The following CEP63 variants were observed in gnomAD, a reference collection of about 807,000 sequenced individuals.
The protein encoded by CEP63 is centrosomal protein 63.
Under a neutral mutation model 89.1 loss-of-function variants are expected in CEP63, and 84 were observed. That is an observed-to-expected ratio of 0.94 (90% confidence interval 0.79 to 1.13). The LOEUF is 1.13. Ranked by LOEUF, CEP63 falls within the 50% of genes most tolerant of loss-of-function variation. CEP63 has a pLI of 0.00. For missense variants in CEP63, 838 were observed against 813.3 expected (o/e 1.03, Z -0.37); for synonymous variants, 267 against 272.5 (o/e 0.98, Z 0.20).
At chr3:134,710,966 C>T in the CEP63 span, among the ~76,000 whole-genome samples, 57 of 152,054 alleles carry the variant, frequency 3.7e-4, no homozygotes, top group Middle Eastern at 0.01. Flanking sequence ...GTGATCTGCC[C>T]GCCTCAGCCT....
At chr3:134,693,417 G>C in the CEP63 span, among the ~76,000 whole-genome samples, 3 of 150,772 alleles carry the variant, frequency 2.0e-5, no homozygotes, top group African/African-American at 7.3e-5. Flanking sequence ...AAAAAGTTTT[G>C]GGTTATTTCC....
the CEP63 span, among the ~76,000 whole-genome samples, chr3:134,716,827 A>G: frequency 6.6e-6 from 1 of 152,160 alleles, no homozygotes; most frequent in Non-Finnish European, 1.5e-5. Flanking sequence ...TCAGTTGGTT[A>G]GTTACTTACA....
At chr3:134,685,367 A>G in the CEP63 span, among the ~76,000 whole-genome samples, 1 of 151,944 alleles carries the variant, frequency 6.6e-6, no homozygotes, top group East Asian at 1.9e-4. Flanking sequence ...CGTGAACACA[A>G]ACATACTGAA....
At chr3:134,648,562 G>A in the CEP63 span, among the ~76,000 whole-genome samples, 1 of 152,212 alleles carries the variant, frequency 6.6e-6, no homozygotes, top group African/African-American at 2.4e-5. Context: ...TTTCAGGCAC[G>A]TTTTGGAGAA....
the CEP63 span, among the ~76,000 whole-genome samples, chr3:134,635,693 T>C: frequency 6.6e-6 from 1 of 152,086 alleles, no homozygotes; most frequent in East Asian, 1.9e-4. Context: ...GTGTTAGCAA[T>C]CAGAACTACA....
rs115681078 is a variant in CEP63 at position 134,537,628 on chromosome 3, C to T, written c.555+360C>T. On this transcript the variant is annotated intron_variant, in intron 6 of 14. Coordinates refer to ENST00000675561, the MANE Select transcript of CEP63 (RefSeq NM_001353108.3). ...TCATCTTGGTCCCTAGCTTTGTCGCCCTCTCTTCCTCCCCTCTCTTTCTTC... is the reference window on the plus strand; with the variant it reads ...TCATCTTGGTCCCTAGCTTTGTCGCTCTCTCTTCCTCCCCTCTCTTTCTTC... 7.6e-3 allele frequency among the ~76,000 whole-genome samples: 1,156 copies of T among 152,248 alleles called. 17 individuals are homozygous for T. Among genetic ancestry groups the T allele is most frequent in the African/African-American group, 0.026 (1,099 of 41,548 alleles).
At chr3:134,589,010 G>C (rs1403410812), downstream of CEP63, among the ~76,000 whole-genome samples, 1 of 152,076 alleles carries the variant, frequency 6.6e-6, no homozygotes, top group Non-Finnish European at 1.5e-5. Flanking sequence ...GACACAAGAA[G>C]AATTAGAAAA....
At chr3:134,589,572 G>A (rs1958557210), downstream of CEP63, among the ~76,000 whole-genome samples, 1 of 128,664 alleles carries the variant, frequency 7.8e-6, no homozygotes, top group South Asian at 2.7e-4. Context: ...CAGTCAGAAT[G>A]GCTATTATTA....
At chr3:134,549,270 A>C in intron 10 of CEP63, 94 bp downstream of exon 10, 1 of 796,394 alleles carries the variant, frequency 1.3e-6, no homozygotes, top group Non-Finnish European at 2.2e-6. Flanking sequence ...TAATGAGAAA[A>C]AAATGTAGTT....
At chr3:134,768,086 G>C in the CEP63 span, among the ~76,000 whole-genome samples, 1 of 152,228 alleles carries the variant, frequency 6.6e-6, no homozygotes, top group South Asian at 2.1e-4. Flanking sequence ...AGTGACCGGA[G>C]ATGAGGCTAG....
the CEP63 span, among the ~76,000 whole-genome samples, chr3:134,721,577 A>C: frequency 2.6e-5 from 4 of 152,092 alleles, no homozygotes; most frequent in Non-Finnish European, 5.9e-5. Context: ...GGCTTTCACC[A>C]TGTGGTATGA....
chr3:134,616,296 C>T, the CEP63 span, among the ~76,000 whole-genome samples: 8 of 152,162 alleles, frequency 5.3e-5, no homozygotes, highest in African/African-American at 1.9e-4. Flanking sequence ...CTGAATTCCT[C>T]CCCAAATTAC....
chr3:134,695,125 G>A, the CEP63 span, among the ~76,000 whole-genome samples: 27 of 152,318 alleles, frequency 1.8e-4, 1 homozygote, highest in African/African-American at 5.8e-4. Context: ...TGCCTGAGCT[G>A]TGCGGGGTAG....
chr3:134,541,244 G>T (rs1243042184), intron 6 of CEP63, among the ~76,000 whole-genome samples: 1 of 151,980 alleles, frequency 6.6e-6, no homozygotes, highest in African/African-American at 2.4e-5. Context: ...CAGTTAATTA[G>T]AATTGCTTAA....
the CEP63 span, chr3:134,650,967 G>A: frequency 6.2e-7 from 1 of 1,613,006 alleles, no homozygotes; most frequent in Non-Finnish European, 8.5e-7. Flanking sequence ...CCATGATGCC[G>A]CCTCCTTTCC....
At chr3:134,594,583 A>C in the CEP63 span, among the ~76,000 whole-genome samples, 1 of 152,116 alleles carries the variant, frequency 6.6e-6, no homozygotes, top group Admixed American at 6.5e-5. Context: ...GCCAGGTGGC[A>C]ATTTTTCTCC....
the CEP63 span, among the ~76,000 whole-genome samples, chr3:134,660,055 T>C: frequency 6.0e-4 from 92 of 152,300 alleles, 1 homozygote; most frequent in Middle Eastern, 0.014. Context: ...AATGAGGGGA[T>C]GAGGGGGAGC....
the CEP63 span, among the ~76,000 whole-genome samples, chr3:134,752,284 G>T: frequency 6.6e-6 from 1 of 152,192 alleles, no homozygotes; most frequent in African/African-American, 2.4e-5. Flanking sequence ...ATGGACATTT[G>T]GGAGGACTTC....
the CEP63 span, among the ~76,000 whole-genome samples, chr3:134,692,718 A>G: frequency 2.2e-4 from 34 of 152,280 alleles, no homozygotes; most frequent in South Asian, 7.0e-3. Flanking sequence ...TAGTCTCAAA[A>G]GACCCCCTTC....
Sources: gnomAD v4.1 joint callset for allele counts (sites outside exome capture counted in the v4.1 genomes callset) on GRCh38, gnomAD v4.1.1 for gene constraint, MANE v1.5 for transcripts, NCBI Gene and HGNC (gene_info 2026-07-23, HGNC 2026-07-21) for gene names.